Variants in FLNB observed in about 807,000 individuals in gnomAD.
The protein encoded by FLNB is filamin-B.
Under a neutral mutation model 250.6 loss-of-function variants are expected in FLNB, and 111 were observed. The ratio of observed to expected loss-of-function variants is 0.44; its 90% CI spans 0.38 to 0.52. The LOEUF is 0.52. Ranked by LOEUF, FLNB falls within the 20% of genes least tolerant of loss-of-function variation. The pLI is 0.00. For synonymous variants in FLNB, 1,302 were observed against 1,372.1 expected (o/e 0.95, Z 1.13); for missense variants, 2,869 against 3,447.8 (o/e 0.83, Z 4.20).
rs1576738461 is a variant in FLNB at position 58,111,984 on chromosome 3, C to T, written c.2575+103C>T. On this transcript the variant is annotated intron_variant, in intron 17 of 45. Coordinates refer to ENST00000295956, the MANE Select transcript of FLNB (RefSeq NM_001457.4). ...GGAACTTCATCTCCACCAACACCAA[C>T]ACCAAGCTGGCAGGTTTTCTGTGCA... 5.0e-6 allele frequency: 6 copies of T among 1,199,626 alleles called. No individual in the cohort carries two copies. In the East Asian group the frequency reaches 1.4e-4, roughly 28 times the overall value. 74.3% of individuals were successfully genotyped at this position (1,199,626 alleles called of 1,614,324 possible).
At position 58,153,538 on chromosome 3, in the gene FLNB, C is replaced by T. The variant is rs778562859; in HGVS notation, c.6531C>T (p.Thr2177=). The change falls in exon 39 of 46, where the codon ACC becomes ACT. Residue 2177 remains threonine, a synonymous_variant. Coordinates refer to ENST00000295956, the MANE Select transcript of FLNB (RefSeq NM_001457.4). ...VSVKYRGQHV[T]GSPFQFTVGP... ...TCAAGTACCGTGGGCAGCACGTCAC[C>T]GGCAGCCCCTTCCAGTTCACCGTGG... 1.3e-5 allele frequency: 21 copies of T among 1,614,014 alleles called. No individual in the cohort carries two copies. Among genetic ancestry groups the T allele is most frequent in the African/African-American group, 6.7e-5 (5 of 74,938 alleles).
At chr3:58,101,514 T>C (rs763711181) in intron 8 of FLNB, among the ~76,000 whole-genome samples, 2 of 152,214 alleles carry the variant, frequency 1.3e-5, no homozygotes, top group Non-Finnish European at 2.9e-5. Context: ...CGCCCTTAAC[T>C]TTTAGACTTA....
At chr3:58,146,168 T>G (rs2097335534) in intron 33 of FLNB, 119 bp downstream of exon 33, 1 of 1,150,588 alleles carries the variant, frequency 8.7e-7, no homozygotes, top group African/African-American at 1.5e-5. Context: ...TGTCTTGTCT[T>G]TTCTCTCGTG....
At chr3:58,079,850 C>T (rs773250637) in intron 3 of FLNB, among the ~76,000 whole-genome samples, 5 of 152,128 alleles carry the variant, frequency 3.3e-5, no homozygotes, top group African/African-American at 7.2e-5. Flanking sequence ...GGACTGATGG[C>T]GTCACTATAG....
rs2097377465 is a variant in FLNB at position 58,169,507 on chromosome 3, G to A, written c.7418-83G>A. On this transcript the variant is annotated intron_variant, in intron 44 of 45. Transcript: ENST00000295956. This position sits in a 1 kb window ranked among gnomAD's most constrained non-coding sequence, Gnocchi z 4.8. ...GCGCGGGCTCTCCTGGGGTTACTGT[G>A]TAGGGTACTCGCCTGTCCTCTGGCT... is the stretch of plus-strand genomic sequence containing the variant. 2.7e-6 allele frequency: 3 copies of A among 1,110,938 alleles called. No homozygotes were observed. The highest frequency in any genetic ancestry group is 3.4e-5 in the Admixed American group (2 of 59,324). 68.8% of individuals were successfully genotyped at this position (1,110,938 alleles called of 1,614,324 possible).
At position 58,163,297 on chromosome 3, in the gene FLNB, G is replaced by A. The variant is rs572964946; in HGVS notation, c.7165G>A (p.Ala2389Thr). ...AGCGGGGAACCCTGCCCTGGTGTCC[G>A]CCTATGGCACGGGACTCGAAGGGGG... Reference protein sequence around the residue: ...GQAGNPALVSAYGTGLEGGTT... With the variant: ...GQAGNPALVSTYGTGLEGGTT... The change falls in exon 43 of 46, where the codon GCC (alanine) becomes ACC (threonine). Residue 2389 changes from alanine to threonine, a missense_variant. This residue lies in a region of FLNB where 1,084 missense variants were observed against 1,315.5 expected (regional missense o/e 0.82). Coordinates refer to ENST00000295956, the MANE Select transcript of FLNB (RefSeq NM_001457.4). 1.4e-5 allele frequency: 22 copies of A among 1,614,174 alleles called. No homozygotes were observed. In the South Asian group the frequency reaches 1.6e-4, roughly 12 times the overall value.
rs769055809 is a variant in FLNB at position 58,008,592 on chromosome 3, G to A, written c.28G>A (p.Glu10Lys). The change falls in exon 1 of 46, where the codon GAG becomes AAG. Residue 10 changes from glutamate to lysine, a missense_variant. Physicochemically the swap from Glu to Lys is moderately conservative, Grantham distance 56. Coordinates refer to ENST00000295956, the MANE Select transcript of FLNB (RefSeq NM_001457.4). ...GCCGGTAACCGAGAAGGATCTAGCT[G>A]AGGACGCGCCTTGGAAGAAGATCCA... MPVTEKDLA[E>K]DAPWKKIQQN... is the part of the protein sequence containing the mutation. 3 of 1,607,960 alleles carry A rather than the reference G, an allele frequency of 1.9e-6. No individual in the cohort carries two copies. The Admixed American group carries it at 5.1e-5, about 27-fold the overall frequency.
intron 29 of FLNB, among the ~76,000 whole-genome samples, chr3:58,139,530 T>C (rs555436793): frequency 2.0e-5 from 3 of 152,234 alleles, no homozygotes; most frequent in Non-Finnish European, 4.4e-5. Flanking sequence ...GTCTATACTC[T>C]GTTGTAGTAT....
At chr3:58,079,964 A>G (rs558191899) in intron 3 of FLNB, among the ~76,000 whole-genome samples, 177 of 152,336 alleles carry the variant, frequency 1.2e-3, no homozygotes, top group African/African-American at 4.1e-3. Flanking sequence ...TGTCTCTCCT[A>G]CATGGCTCAT....
At chr3:58,025,386 T>C (rs996251643) in intron 1 of FLNB, among the ~76,000 whole-genome samples, 22 of 152,100 alleles carry the variant, frequency 1.4e-4, no homozygotes, top group African/African-American at 5.1e-4. Flanking sequence ...CTCCTCAGCC[T>C]CCCAAATTGC....
chr3:58,024,326 G>A (rs975533681), intron 1 of FLNB, among the ~76,000 whole-genome samples: 4 of 152,136 alleles, frequency 2.6e-5, no homozygotes, highest in Non-Finnish European at 5.9e-5. Flanking sequence ...TGGCGTTATC[G>A]AAGATAAAAT....
rs1408864758 is a variant in FLNB, at chr3:58,130,660, A to G, written c.4223-81A>G. ...GCCTGCATGGCCGAGGTCCCGGGGG[A>G]GCAGCAGTGCTATTCTGGGTGTGCA... is the stretch of plus-strand genomic sequence containing the variant. On this transcript the variant is annotated intron_variant, in intron 24 of 45. Transcript: ENST00000295956. 6.2e-6 allele frequency: 9 copies of G among 1,451,472 alleles called. No individual in the cohort carries two copies. The East Asian group carries it at 1.7e-4, about 27-fold the overall frequency. 89.9% of individuals were successfully genotyped at this position (1,451,472 alleles called of 1,614,324 possible). A position where few individuals can be genotyped will look rare whatever the true frequency, so the allele number is the denominator to read the frequency against.
rs772799923 is a variant in FLNB at position 58,102,335 on chromosome 3, G to T, written c.1478G>T (p.Gly493Val). 8 of 1,612,466 alleles carry T rather than the reference G, an allele frequency of 5.0e-6. No homozygotes were observed. In the Admixed American group the frequency reaches 1.2e-4, roughly 24 times the overall value. The stretch of plus-strand genomic sequence containing the variant: ...GGGGAGCTCGGTGTAACCATGAAGG[G>T]TCCTAGTAAGTGTTCCTTTGTTTCT... ...GSGELGVTMK[G>V]PKGLEELVKQ... The change falls in exon 9 of 46, where the codon GGT becomes GTT. Residue 493 changes from glycine to valine, a missense_variant. This residue lies in a region of FLNB where 1,348 missense variants were observed against 1,466.7 expected (regional missense o/e 0.92). Coordinates refer to ENST00000295956, the MANE Select transcript of FLNB (RefSeq NM_001457.4).
chr3:58,056,098 TTTATTTA>T (rs2097169981), intron 1 of FLNB, among the ~76,000 whole-genome samples: 1 of 131,982 alleles, frequency 7.6e-6, no homozygotes, highest in Non-Finnish European at 1.5e-5. Context: ...TATTTATTTA[TTTATTTA>T]TTTTTTTTTT....
chr3:58,151,299 C>T (rs2097344397), intron 38 of FLNB: 1 of 135,242 alleles, frequency 7.4e-6, no homozygotes, highest in Non-Finnish European at 1.5e-5. Flanking sequence ...GGCTGAGGCA[C>T]AAGAATTGCG....
chr3:58,032,338 C>T (rs1275183242), intron 1 of FLNB, among the ~76,000 whole-genome samples: 1 of 152,126 alleles, frequency 6.6e-6, no homozygotes, highest in Non-Finnish European at 1.5e-5. Context: ...TCATGCTTAG[C>T]AGGATTTCTC....
Position 58,146,835 on chromosome 3 carries a change from C to G in FLNB, c.5570C>G (p.Ala1857Gly). Residue 1857 changes from alanine to glycine, a missense_variant, in exon 34 of 46, where the codon GCT becomes GGT. Ala to Gly is a moderately conservative substitution (Grantham distance 60). Transcript: ENST00000295956. ...CCACTTGTAGGTGGTCTGGACTTGG[C>G]TATTGAGGGCCCCTCAAAAGCAGAA... ...EDAGEGGLDL[A>G]IEGPSKAEIS... 2.5e-6 allele frequency: 4 copies of G among 1,614,220 alleles called. No homozygotes were observed. The highest frequency in any genetic ancestry group is 3.4e-6 in the Non-Finnish European group (4 of 1,180,036).
intron 10 of FLNB, among the ~76,000 whole-genome samples, chr3:58,104,375 C>T (rs1395099314): frequency 3.3e-5 from 5 of 152,052 alleles, no homozygotes; most frequent in African/African-American, 1.2e-4. Flanking sequence ...TCTAGATGCC[C>T]GCATATAAAC....
At chr3:58,078,474 A>T (rs1268903613) in intron 2 of FLNB, 1 of 1,536,144 alleles carries the variant, frequency 6.5e-7, no homozygotes, top group South Asian at 1.2e-5. Context: ...GGAATGGATA[A>T]TCCCCATCTT....
Sources: allele counts gnomAD v4.1 joint callset (sites outside exome capture counted in the v4.1 genomes callset), GRCh38; gene constraint gnomAD v4.1.1; regional missense constraint gnomAD v4.1.1; non-coding constraint Gnocchi (gnomAD v3.1); transcripts MANE v1.5; gene names NCBI Gene and HGNC (gene_info 2026-07-23, HGNC 2026-07-21).